Variants in ZHX3 observed in about 807,000 individuals in gnomAD.
The protein encoded by ZHX3 is zinc fingers and homeoboxes protein 3.
In ZHX3, 20 loss-of-function variants were observed where a neutral mutation model predicts 64.5. The ratio of observed to expected loss-of-function variants is 0.31; its 90% CI spans 0.22 to 0.45. The LOEUF is 0.45. Ranked by LOEUF, ZHX3 falls within the 20% of genes least tolerant of loss-of-function variation. The pLI is 1.00. For missense variants in ZHX3, 1,041 were observed against 1,195.8 expected (o/e 0.87, Z 1.91); for synonymous variants, 423 against 461.6 (o/e 0.92, Z 1.07).
intron 1 of ZHX3, among the ~76,000 whole-genome samples, chr20:41,304,646 T>G (rs1317817152): frequency 2.0e-5 from 3 of 152,194 alleles, no homozygotes; most frequent in Non-Finnish European, 4.4e-5. Context: ...TTTTAAGAAC[T>G]GGCTCACGCA....
At chr20:41,255,158 TATA>T in intron 2 of ZHX3, among the ~76,000 whole-genome samples, 1 of 152,030 alleles carries the variant, frequency 6.6e-6, no homozygotes, top group African/African-American at 2.4e-5. Context: ...ATGATATATA[TATA>T]TTTTTTTTGA....
intron 2 of ZHX3, among the ~76,000 whole-genome samples, chr20:41,261,211 T>C (rs760790427): frequency 1.3e-5 from 2 of 152,070 alleles, no homozygotes; most frequent in South Asian, 4.1e-4. Context: ...AGTTAACAAA[T>C]AGATTACATG....
At position 41,180,542 on chromosome 20, in the gene ZHX3, G is replaced by A. The variant is rs1383439201; in HGVS notation, c.*4649C>T. 1 of 152,262 alleles carries A rather than the reference G, an allele frequency of 6.6e-6. No homozygotes were observed. The highest frequency in any genetic ancestry group is 1.5e-5 in the Non-Finnish European group (1 of 68,084). The allele number at this position is 152,262 out of a possible 1,614,324, so 9.4% of individuals were successfully genotyped here. On this transcript the variant is annotated 3_prime_UTR_variant, in exon 4 of 4. Coordinates refer to ENST00000683867, the MANE Select transcript of ZHX3 (RefSeq NM_001384317.1). ...GAAGGACTGCGTCCCCATTCAAAGAGGTCAGATTTGTGGGCAGGCAAGAGC... is the reference window on the plus strand; with the variant it reads ...GAAGGACTGCGTCCCCATTCAAAGAAGTCAGATTTGTGGGCAGGCAAGAGC...
intron 2 of ZHX3, among the ~76,000 whole-genome samples, chr20:41,252,935 A>G (rs1282424836): frequency 1.3e-5 from 2 of 152,196 alleles, no homozygotes; most frequent in African/African-American, 4.8e-5. Flanking sequence ...TTAACAGTCG[A>G]CAGGACATTT....
chr20:41,242,889 C>T (rs2146458692), intron 2 of ZHX3, among the ~76,000 whole-genome samples: 1 of 152,248 alleles, frequency 6.6e-6, no homozygotes, highest in South Asian at 2.1e-4. Context: ...GATCAACTGT[C>T]ACTAACCTTT....
chr20:41,198,553 G>T (rs1259352320), intron 3 of ZHX3, among the ~76,000 whole-genome samples: 6 of 148,878 alleles, frequency 4.0e-5, no homozygotes, highest in African/African-American at 1.2e-4. Flanking sequence ...CAAGATTTTT[G>T]ATGAGGAATC....
intron 2 of ZHX3, among the ~76,000 whole-genome samples, chr20:41,255,118 G>T (rs1159127841): frequency 6.6e-6 from 1 of 152,086 alleles, no homozygotes; most frequent in Non-Finnish European, 1.5e-5. Context: ...GAAGATTCAT[G>T]CCTGGAAAGG....
At chr20:41,262,043 T>A (rs1171374951) in intron 2 of ZHX3, among the ~76,000 whole-genome samples, 1 of 152,192 alleles carries the variant, frequency 6.6e-6, no homozygotes, top group African/African-American at 2.4e-5. Context: ...CTCTGAGGCA[T>A]GCCCTAATTC....
rs778029128 is a variant in ZHX3, at chr20:41,203,736, G to C, written c.1181C>G (p.Pro394Arg). The C allele has an allele frequency of 2.5e-6, 4 of 1,614,102 alleles. No homozygotes were observed. The highest frequency in any genetic ancestry group is 3.3e-5 in the Admixed American group (2 of 60,014). Residue 394 changes from proline to arginine, a missense_variant, in exon 3 of 4, where the codon CCA becomes CGA. By Grantham distance (103) the Pro-to-Arg change is moderately radical (BLOSUM62 -2). This residue lies in a region of ZHX3 where 649 missense variants were observed against 739.8 expected (regional missense o/e 0.88). Coordinates refer to ENST00000683867, the MANE Select transcript of ZHX3 (RefSeq NM_001384317.1). This position sits in a 1 kb window ranked among gnomAD's most constrained non-coding sequence, Gnocchi z 7.1. ...PQPTITVLNT[P>R]LVASAGNVQH... ...GACATTGCCAGCACTGGCGACGAGT[G>C]GGGTATTTAGAACCGTAATTGTGGG...
At chr20:41,297,207 C>G (rs1358082894) in intron 1 of ZHX3, among the ~76,000 whole-genome samples, 1 of 152,202 alleles carries the variant, frequency 6.6e-6, no homozygotes, top group Non-Finnish European at 1.5e-5. Flanking sequence ...CAGGCAGGAT[C>G]TGATAATTCT....
rs555883542 is a variant in ZHX3, at chr20:41,302,053, C to CA, written c.-245+15455dup. Among the ~76,000 whole-genome samples the CA allele has an allele frequency of 7.2e-3, 450 of 62,308 alleles. 17 individuals carry two copies. The highest frequency in any genetic ancestry group is 9.2e-3 in the Non-Finnish European group (290 of 31,422). 40.9% of individuals were successfully genotyped at this position (62,308 alleles called of 152,430 possible). On this transcript the variant is annotated intron_variant, in intron 1 of 3. Transcript: ENST00000683867. Reference sequence around the variant, plus strand: ...TGGGCGACGGAGCGAGACTCCATCTCAAAAAAAAAAAAAAAAAAAAAAAAA... The same window carrying CA: ...TGGGCGACGGAGCGAGACTCCATCTCAAAAAAAAAAAAAAAAAAAAAAAAAA...
intron 2 of ZHX3, among the ~76,000 whole-genome samples, chr20:41,227,416 C>T (rs2040340477): frequency 6.6e-6 from 1 of 152,122 alleles, no homozygotes; most frequent in Non-Finnish European, 1.5e-5. Flanking sequence ...ATATAAAACT[C>T]CAACAACTAT....
chr20:41,311,196 C>A lies in ZHX3; in HGVS notation c.-245+6313G>T, dbSNP rs531955038. Among the ~76,000 whole-genome samples the A allele has an allele frequency of 2.4e-4, 37 of 152,278 alleles. No individual in the cohort carries two copies. The South Asian group carries it at 5.0e-3, about 20-fold the overall frequency. On this transcript the variant is annotated intron_variant, in intron 1 of 3. Transcript: ENST00000683867. ...TGTCTGTCATTCACTCTTATCCAAA[C>A]TCTAAATTGTTGATGAGTTTACAAG...
intron 1 of ZHX3, among the ~76,000 whole-genome samples, chr20:41,285,170 C>T (rs1308782389): frequency 2.0e-5 from 3 of 152,020 alleles, no homozygotes; most frequent in African/African-American, 7.2e-5. Flanking sequence ...CTTTTTATTC[C>T]TCTATATCCT....
At chr20:41,268,278 G>A (rs565715786) in intron 2 of ZHX3, among the ~76,000 whole-genome samples, 10 of 152,140 alleles carry the variant, frequency 6.6e-5, no homozygotes, top group African/African-American at 2.4e-4. Context: ...TCTTAATAAT[G>A]GAAAATAATG....
Position 41,203,315 on chromosome 20 carries a change from A to G in ZHX3, c.1602T>C (p.Ser534=), listed in dbSNP as rs1169924766. ...TGAACCATTTCCGCACCTCTCTGGT[A>G]CTGAGGCCCGTCACTTTTGTGAGAT... ...VEHLTKVTGL[S]TREVRKWFSD... Residue 534 remains serine (S), a synonymous_variant, in exon 3 of 4, where the codon AGT becomes AGC. Coordinates refer to ENST00000683867, the MANE Select transcript of ZHX3 (RefSeq NM_001384317.1). This position sits in a 1 kb window ranked among gnomAD's most constrained non-coding sequence, Gnocchi z 7.1. 1 of 1,614,168 alleles carries G rather than the reference A, an allele frequency of 6.2e-7. No homozygotes were observed. Among genetic ancestry groups the G allele is most frequent in the Admixed American group, 1.7e-5 (1 of 60,028 alleles).
intron 1 of ZHX3, among the ~76,000 whole-genome samples, chr20:41,276,723 T>G (rs2043400848): frequency 6.6e-6 from 1 of 152,186 alleles, no homozygotes; most frequent in Non-Finnish European, 1.5e-5. Context: ...AAACATGCCC[T>G]TAACTGCAGG....
rs553859575 is a variant in ZHX3, at chr20:41,255,900, G to A, written c.-151+13090C>T. 8.5e-5 allele frequency among the ~76,000 whole-genome samples: 13 copies of A among 152,316 alleles called. No individual in the cohort carries two copies. In the South Asian group the frequency reaches 2.7e-3, roughly 32 times the overall value. ...CTTGGTAAACACATTTCTGATTTCT[G>A]TAGGCACTGAGCAAACTCACTAAGC... On this transcript the variant is annotated intron_variant, in intron 2 of 3. Transcript: ENST00000683867.
intron 3 of ZHX3, among the ~76,000 whole-genome samples, chr20:41,190,497 T>G (rs1167773309): frequency 6.6e-6 from 1 of 152,218 alleles, no homozygotes; most frequent in Non-Finnish European, 1.5e-5. Flanking sequence ...TGAGGTTTTG[T>G]TATTGTTATA....
Sources: allele counts gnomAD v4.1 joint callset (sites outside exome capture counted in the v4.1 genomes callset), GRCh38; gene constraint gnomAD v4.1.1; regional missense constraint gnomAD v4.1.1; non-coding constraint Gnocchi (gnomAD v3.1); transcripts MANE v1.5; gene names NCBI Gene and HGNC (gene_info 2026-07-23, HGNC 2026-07-21).